WASL: variants seen among roughly 807,000 people sequenced by gnomAD.
WASL encodes WASP like actin nucleation promoting factor.
In WASL, 20 loss-of-function variants were observed where a neutral mutation model predicts 55.5. That is an observed-to-expected ratio of 0.36 (90% confidence interval 0.25 to 0.52). The LOEUF is 0.52. Among genes scored for constraint, WASL ranks in the 20% least tolerant of loss-of-function variants. The probability of loss-of-function intolerance (pLI) is 0.92; values close to 1 mark genes in which losing one functional copy is unlikely to be tolerated. For missense variants in WASL, 504 were observed against 622.5 expected (o/e 0.81, Z 2.03); for synonymous variants, 249 against 217.6 (o/e 1.14, Z -1.27).
intron 1 of WASL, among the ~76,000 whole-genome samples, chr7:123,712,537 T>C (rs1803775533): frequency 6.6e-6 from 1 of 152,176 alleles, no homozygotes; most frequent in Non-Finnish European, 1.5e-5. Flanking sequence ...GAAAAAAACA[T>C]GGTAAATGTA....
At chr7:123,688,929 A>C (rs1219585319) in intron 10 of WASL, 113 bp downstream of exon 10, 6 of 952,412 alleles carry the variant, frequency 6.3e-6, no homozygotes, top group Non-Finnish European at 9.7e-6. Context: ...AGCAGAGAGA[A>C]AGCTAGCAAA....
At chr7:123,687,336 G>A (rs1311610718) in intron 10 of WASL, among the ~76,000 whole-genome samples, 2 of 152,054 alleles carry the variant, frequency 1.3e-5, no homozygotes, top group East Asian at 3.9e-4. Flanking sequence ...TGCACTTTCA[G>A]GGGTCTCCAA....
At chr7:123,709,438 TAAC>T (rs1462711604) in intron 1 of WASL, among the ~76,000 whole-genome samples, 1 of 152,212 alleles carries the variant, frequency 6.6e-6, no homozygotes, top group Non-Finnish European at 1.5e-5. Context: ...AATAATCACA[TAAC>T]AATAATTACT....
At chr7:123,738,012 G>A (rs894351569) in intron 1 of WASL, among the ~76,000 whole-genome samples, 3 of 151,966 alleles carry the variant, frequency 2.0e-5, no homozygotes, top group Admixed American at 2.0e-4. Flanking sequence ...ATAGAAAATT[G>A]GTCTAAGGAC....
At chr7:123,710,316 A>G (rs1241278391) in intron 1 of WASL, among the ~76,000 whole-genome samples, 1 of 151,076 alleles carries the variant, frequency 6.6e-6, no homozygotes, top group Non-Finnish European at 1.5e-5. Flanking sequence ...ATAAATATAT[A>G]TTTTTTTAAA....
intron 8 of WASL, 51 bp downstream of exon 8, chr7:123,694,664 G>A: frequency 6.3e-7 from 1 of 1,596,158 alleles, no homozygotes; most frequent in Non-Finnish European, 8.5e-7. Context: ...CCATGAAACT[G>A]ACCTCAAAAG....
At chr7:123,694,466 T>C (rs1803461113) in intron 8 of WASL, among the ~76,000 whole-genome samples, 1 of 152,210 alleles carries the variant, frequency 6.6e-6, no homozygotes, top group African/African-American at 2.4e-5. Flanking sequence ...AAGTTTTTAC[T>C]TTAAAATAGA....
At chr7:123,701,880 ATATTT>A (rs1284197637) in intron 5 of WASL, among the ~76,000 whole-genome samples, 4 of 151,830 alleles carry the variant, frequency 2.6e-5, no homozygotes, top group South Asian at 2.1e-4. Context: ...TATTATATGT[ATATTT>A]TATAAGTATA....
At position 123,743,960 on chromosome 7, in the gene WASL, T is replaced by C. The variant is rs779436932; in HGVS notation, c.117+4658A>G. Among the ~76,000 whole-genome samples, 121 of 152,386 alleles carry C rather than the reference T, an allele frequency of 7.9e-4. 1 individual carries two copies. Among genetic ancestry groups the C allele is most frequent in the Non-Finnish European group, 1.5e-3 (102 of 68,034 alleles). On this transcript the variant is annotated intron_variant, in intron 1 of 10. Transcript: ENST00000223023. ...TTGTGCTCATCTTTTTCCTCTATACTAGACAAAGGTATCTTCTCATCTTTG... is the reference window on the plus strand; with the variant it reads ...TTGTGCTCATCTTTTTCCTCTATACCAGACAAAGGTATCTTCTCATCTTTG...
At position 123,692,493 on chromosome 7, in the gene WASL, T is replaced by A. The variant is rs1803427401; in HGVS notation, c.1201A>T (p.Thr401Ser). Reference sequence around the variant, plus strand: ...AGAGCTGCTTTGTTTCCTGCAGTAGTTGGAACCTGATGGTCCCCATCAGAA... The same window carrying A: ...AGAGCTGCTTTGTTTCCTGCAGTAGATGGAACCTGATGGTCCCCATCAGAA... ...LPSDGDHQVP[T>S]TAGNKAALLD... The change falls in exon 9 of 11, where the codon ACT becomes TCT. Residue 401 changes from threonine (T) to serine (S), a missense_variant. By Grantham distance (58) the Thr-to-Ser change is moderately conservative. Coordinates refer to ENST00000223023, the MANE Select transcript of WASL (RefSeq NM_003941.4). 1.2e-6 allele frequency: 2 copies of A among 1,614,080 alleles called. No individual in the cohort carries two copies. The highest frequency in any genetic ancestry group is 1.7e-6 in the Non-Finnish European group (2 of 1,180,030).
At chr7:123,689,220 T>C in intron 9 of WASL, 70 bp from the exon 10 acceptor site, 1 of 1,283,246 alleles carries the variant, frequency 7.8e-7, no homozygotes, top group Non-Finnish European at 1.1e-6. Flanking sequence ...CAGAAAGTCC[T>C]ACTTTCTTAG....
At chr7:123,702,399 T>C (rs552341009) in intron 5 of WASL, among the ~76,000 whole-genome samples, 10 of 152,228 alleles carry the variant, frequency 6.6e-5, no homozygotes, top group African/African-American at 2.4e-4. Flanking sequence ...GTAGGGGTAA[T>C]AAAATTATGA....
intron 1 of WASL, 95 bp from the exon 2 acceptor site, chr7:123,709,318 C>T: frequency 9.7e-7 from 1 of 1,029,386 alleles, no homozygotes; most frequent in East Asian, 2.9e-5. Flanking sequence ...CCCAGCTAAG[C>T]TGCTCCTAAA....
intron 2 of WASL, among the ~76,000 whole-genome samples, chr7:123,708,699 C>T (rs764063138): frequency 3.0e-4 from 46 of 151,860 alleles, no homozygotes; most frequent in Non-Finnish European, 5.9e-4. Flanking sequence ...ACAGTACATA[C>T]TGAGCTAAAA....
intron 1 of WASL, among the ~76,000 whole-genome samples, chr7:123,748,103 G>A (rs1402540571): frequency 6.6e-6 from 1 of 152,052 alleles, no homozygotes; most frequent in Non-Finnish European, 1.5e-5. Context: ...CTAATCCGAA[G>A]AGAGCCCAGG....
Position 123,748,712 on chromosome 7 carries a change from G to GGCT in WASL, c.20_22dup (p.Gln7dup), listed in dbSNP as rs746594347. ...GTTGGTGACCCTCCGCGGCGGCGGC[G>GGCT]GCTGCTGCTGGACGGAGCTCATGGT... On this transcript the variant is annotated inframe_insertion, in exon 1 of 11. Transcript: ENST00000223023. The GGCT allele has an allele frequency of 2.0e-5, 32 of 1,603,156 alleles. No individual in the cohort carries two copies. Among genetic ancestry groups the GGCT allele is most frequent in the African/African-American group, 1.2e-4 (9 of 74,230 alleles).
At chr7:123,699,128 G>A (rs1207219692) in intron 5 of WASL, among the ~76,000 whole-genome samples, 2 of 152,192 alleles carry the variant, frequency 1.3e-5, no homozygotes, top group Non-Finnish European at 2.9e-5. Context: ...GCTCACGCCT[G>A]TAATCCCAGC....
At chr7:123,694,453 T>C (rs1320747820) in intron 8 of WASL, among the ~76,000 whole-genome samples, 1 of 152,172 alleles carries the variant, frequency 6.6e-6, no homozygotes, top group Non-Finnish European at 1.5e-5. Flanking sequence ...TTTAGGCAAC[T>C]ATAAGTTTTT....
At chr7:123,693,896 T>G (rs1434626020) in intron 8 of WASL, among the ~76,000 whole-genome samples, 10 of 152,230 alleles carry the variant, frequency 6.6e-5, no homozygotes, top group Middle Eastern at 3.4e-3. Context: ...CATCTAAATA[T>G]CCTGAGACTA....
Sources: allele counts gnomAD v4.1 joint callset (sites outside exome capture counted in the v4.1 genomes callset), GRCh38; gene constraint gnomAD v4.1.1; transcripts MANE v1.5; gene names NCBI Gene and HGNC (gene_info 2026-07-23, HGNC 2026-07-21).